The following OR1F1 variants were observed in gnomAD, a reference collection of about 807,000 sequenced individuals.
The protein encoded by OR1F1 is olfactory receptor 1F1.
For synonymous variants in OR1F1, 184 were observed against 156.7 expected (o/e 1.17, Z -1.30); for missense variants, 493 against 376.3 (o/e 1.31, Z -2.57).
chr16:3,192,779 G>T, the OR1F1 span, among the ~76,000 whole-genome samples: 36 of 151,396 alleles, frequency 2.4e-4, no homozygotes, highest in African/African-American at 8.6e-4. Flanking sequence ...GAGTCGCGGC[G>T]CTCGGCCCTG....
chr16:3,197,633 C>G, the OR1F1 span, among the ~76,000 whole-genome samples: 1 of 486 alleles, frequency 2.1e-3, no homozygotes, highest in Middle Eastern at 0.17. Context: ...GTTCCTCAGA[C>G]AGCGCAGTCC....
chr16:3,188,894 C>A, the OR1F1 span, among the ~76,000 whole-genome samples: 1 of 152,216 alleles, frequency 6.6e-6, no homozygotes, highest in Non-Finnish European at 1.5e-5. Flanking sequence ...CCAGCTCCCC[C>A]CAGTGAAGGG....
At chr16:3,190,754 A>AC in the OR1F1 span, among the ~76,000 whole-genome samples, 2 of 151,574 alleles carry the variant, frequency 1.3e-5, no homozygotes, top group Non-Finnish European at 2.9e-5. Context: ...CTATCTAAAA[A>AC]AAAAAAAAAA....
the OR1F1 span, chr16:3,191,155 A>C: frequency 3.9e-5 from 6 of 152,216 alleles, no homozygotes; most frequent in Non-Finnish European, 8.8e-5. Context: ...CTGTTCCTGT[A>C]ATTCGAGTGG....
chr16:3,188,251 C>G, the OR1F1 span: 3,611 of 151,882 alleles, frequency 0.024, 187 homozygotes, highest in East Asian at 0.22. Flanking sequence ...TTGGCAGGGC[C>G]TCAGTGGAGA....
the OR1F1 span, among the ~76,000 whole-genome samples, chr16:3,196,196 G>A: frequency 6.6e-5 from 10 of 152,188 alleles, no homozygotes; most frequent in Non-Finnish European, 8.8e-5. Context: ...CTTAATCTCA[G>A]GGTCGTGGGT....
upstream of OR1F1, among the ~76,000 whole-genome samples, chr16:3,201,137 A>C (rs938980463): frequency 6.6e-6 from 1 of 152,192 alleles, no homozygotes; most frequent in African/African-American, 2.4e-5. Flanking sequence ...TCCACATTGT[A>C]GTGTGTGTCA....
the OR1F1 span, among the ~76,000 whole-genome samples, chr16:3,192,004 G>A: frequency 1.3e-5 from 2 of 152,116 alleles, no homozygotes; most frequent in African/African-American, 2.4e-5. Context: ...GTTGGTCTAG[G>A]GGTATGATTC....
the OR1F1 span, among the ~76,000 whole-genome samples, chr16:3,193,422 G>A: frequency 1.3e-5 from 2 of 152,360 alleles, no homozygotes; most frequent in African/African-American, 2.4e-5. Context: ...AGGATCAGAC[G>A]AGTCGGGCTC....
the OR1F1 span, among the ~76,000 whole-genome samples, chr16:3,190,615 G>A: frequency 1.3e-5 from 2 of 152,200 alleles, no homozygotes; most frequent in South Asian, 4.2e-4. Context: ...GTCGGTCATG[G>A]TGGCGGGCGC....
downstream of OR1F1, among the ~76,000 whole-genome samples, chr16:3,206,221 A>T (rs1255125277): frequency 3.3e-5 from 5 of 151,468 alleles, no homozygotes; most frequent in Non-Finnish European, 7.4e-5. Context: ...TGGGGAAAAA[A>T]CCCCACCCTG....
chr16:3,200,366 G>A (rs938525230), upstream of OR1F1, among the ~76,000 whole-genome samples: 1 of 152,094 alleles, frequency 6.6e-6, no homozygotes, highest in Non-Finnish European at 1.5e-5. Flanking sequence ...TCCCACTTTC[G>A]GAGGCCGAGA....
upstream of OR1F1, among the ~76,000 whole-genome samples, chr16:3,200,095 C>T (rs529370144): frequency 2.6e-5 from 4 of 151,884 alleles, no homozygotes; most frequent in South Asian, 2.1e-4. Context: ...GAGGGCAGGC[C>T]GCTTGTAAGA....
upstream of OR1F1, among the ~76,000 whole-genome samples, chr16:3,202,889 C>T (rs1958151167): frequency 1.3e-5 from 2 of 152,044 alleles, no homozygotes; most frequent in Non-Finnish European, 2.9e-5. Context: ...AGGTTACTAG[C>T]TTTTCTAAGG....
the OR1F1 span, among the ~76,000 whole-genome samples, chr16:3,192,927 G>T: frequency 1.3e-5 from 2 of 152,036 alleles, no homozygotes; most frequent in African/African-American, 2.4e-5. Flanking sequence ...TAAAAAAAAA[G>T]AGTTTTTAAA....
chr16:3,192,029 A>C, the OR1F1 span, among the ~76,000 whole-genome samples: 1 of 149,996 alleles, frequency 6.7e-6, no homozygotes, highest in Non-Finnish European at 1.5e-5. Context: ...TTAGGATGCG[A>C]GAGGTCCCGG....
the OR1F1 span, among the ~76,000 whole-genome samples, chr16:3,195,506 C>A: frequency 6.6e-6 from 1 of 151,816 alleles, no homozygotes; most frequent in African/African-American, 2.4e-5. Flanking sequence ...ATGGTGAAAC[C>A]CTGTCTCTAC....
At chr16:3,204,247 A>G in exon 1 of OR1F1, 1 of 1,590,852 alleles carries the variant, frequency 6.3e-7, no homozygotes, top group Admixed American at 1.7e-5. Flanking sequence ...TCCCAGGCCC[A>G]TGAGCGGGAC....
the OR1F1 span, chr16:3,189,701 A>T: frequency 6.6e-6 from 1 of 151,778 alleles, no homozygotes; most frequent in Non-Finnish European, 1.5e-5. Context: ...ATCCCGGACG[A>T]GCCCGGCTTT....
Sources: allele counts gnomAD v4.1 joint callset (sites outside exome capture counted in the v4.1 genomes callset), GRCh38; gene constraint gnomAD v4.1.1; transcripts MANE v1.5; gene names NCBI Gene and HGNC (gene_info 2026-07-23, HGNC 2026-07-21).